Variants in DRC3 observed in about 807,000 individuals in gnomAD.
The protein encoded by DRC3 is dynein regulatory complex subunit 3.
DRC3 carries 45 observed loss-of-function variants against 57.6 expected under a neutral mutation model. That is an observed-to-expected ratio of 0.78 (90% confidence interval 0.62 to 1.00). The LOEUF (loss-of-function observed/expected upper bound fraction) is 1.00. DRC3 is among the 50% of genes least tolerant of loss of function. The pLI is 0.00. For missense variants in DRC3, 655 were observed against 675.2 expected, an observed-to-expected ratio of 0.97 and a Z score of 0.33; for synonymous variants, 257 against 272.3, an observed-to-expected ratio of 0.94 and a Z score of 0.55.
chr17:18,006,779 C>T, intron 11 of DRC3: 1 of 503,088 alleles, frequency 2.0e-6, no homozygotes, highest in Non-Finnish European at 3.6e-6. Context: ...AACCCAGAGG[C>T]CAGGAGCCTC....
In DRC3 at chr17:17,984,819, C is replaced by T. The variant is rs370289076; in HGVS notation, c.277+875C>T. The stretch of plus-strand genomic sequence containing the variant: ...TGGTAATAAGGGCACCCTGGGGCAT[C>T]GTGAGCCTTCCAATTTGCCAAACAC... On this transcript the variant is annotated intron_variant, in intron 4 of 13. Transcript: ENST00000399187. 1.2e-4 allele frequency among the ~76,000 whole-genome samples: 19 copies of T among 152,244 alleles called. No homozygotes were observed. In the East Asian group the frequency reaches 2.1e-3, roughly 17 times the overall value.
intron 4 of DRC3, among the ~76,000 whole-genome samples, chr17:17,987,624 T>G (rs2043022555): frequency 6.6e-6 from 1 of 152,166 alleles, no homozygotes; most frequent in Non-Finnish European, 1.5e-5. Flanking sequence ...GGGCACTGCT[T>G]CAGACCTGCG....
intron 9 of DRC3, among the ~76,000 whole-genome samples, chr17:18,000,420 T>A (rs2043680148): frequency 1.3e-5 from 2 of 152,148 alleles, no homozygotes; most frequent in South Asian, 4.1e-4. Context: ...TTTCCTATAT[T>A]ATGCATCTTG....
At position 17,987,955 on chromosome 17, in the gene DRC3, A is replaced by G. The variant is rs2043039627; in HGVS notation, c.301A>G (p.Thr101Ala). Reference sequence around the variant, plus strand: ...AGATCTGTCTTTCAACAACATTGAGACCATCGAGGGGCTGGACACACTGGT... The same window carrying G: ...AGATCTGTCTTTCAACAACATTGAGGCCATCGAGGGGCTGGACACACTGGT... ...WLDLSFNNIE[T>A]IEGLDTLVNL... Residue 101 changes from threonine to alanine, a missense_variant, in exon 5 of 14, where the codon ACC becomes GCC. Physicochemically the swap from Thr to Ala is moderately conservative, Grantham distance 58. Coordinates refer to ENST00000399187, the MANE Select transcript of DRC3 (RefSeq NM_031294.4). The G allele has an allele frequency of 1.9e-6, 3 of 1,613,822 alleles. No individual in the cohort carries two copies. The highest frequency in any genetic ancestry group is 2.7e-5 in the African/African-American group (2 of 74,918).
chr17:18,004,449 C>G lies in DRC3; in HGVS notation c.1086C>G (p.Phe362Leu), dbSNP rs745612550. 77 of 1,611,078 alleles carry G rather than the reference C, an allele frequency of 4.8e-5. No homozygotes were observed. The highest frequency in any genetic ancestry group is 6.2e-5 in the Non-Finnish European group (73 of 1,178,808). ...LECSADISEL[F>L]DALMTLEMQL... ...GCAGTGCTGACATCAGTGAGTTGTTCGATGCGCTCATGACGCTGGAGATGC... is the reference window on the plus strand; with the variant it reads ...GCAGTGCTGACATCAGTGAGTTGTTGGATGCGCTCATGACGCTGGAGATGC... The change falls in exon 10 of 14, where the codon TTC (phenylalanine) becomes TTG (leucine). Residue 362 changes from phenylalanine to leucine, a missense_variant. By Grantham distance (22) the Phe-to-Leu change is conservative. Transcript: ENST00000399187.
At chr17:17,990,298 G>A (rs946034157) in intron 5 of DRC3, among the ~76,000 whole-genome samples, 2 of 152,218 alleles carry the variant, frequency 1.3e-5, no homozygotes, top group African/African-American at 4.8e-5. Context: ...CCACAGAGGT[G>A]GTGGAGTCTC....
In DRC3 at chr17:18,008,716, A is replaced by G. The variant is rs1434831044; in HGVS notation, c.1326+1569A>G. ...AAGCTGATAACTGCAGCTAATTGCTATTGACCAGACACAGGAAAACACCAC... is the reference window on the plus strand; with the variant it reads ...AAGCTGATAACTGCAGCTAATTGCTGTTGACCAGACACAGGAAAACACCAC... On this transcript the variant is annotated intron_variant, in intron 12 of 13. Coordinates refer to ENST00000399187, the MANE Select transcript of DRC3 (RefSeq NM_031294.4). The surrounding 1 kb of genome is among the most constrained non-coding windows in gnomAD (Gnocchi z 4.3). Among the ~76,000 whole-genome samples the G allele has an allele frequency of 6.6e-6, 1 of 152,176 alleles. No homozygotes were observed. Among genetic ancestry groups the G allele is most frequent in the Non-Finnish European group, 1.5e-5 (1 of 68,016 alleles).
chr17:18,013,706 G>A (rs537158837), intron 12 of DRC3, among the ~76,000 whole-genome samples: 62 of 152,280 alleles, frequency 4.1e-4, no homozygotes, highest in African/African-American at 1.4e-3. Context: ...TAGATAGGGG[G>A]AATAAGTTCT....
Position 18,007,930 on chromosome 17 carries a change from C to T in DRC3, c.1326+783C>T, listed in dbSNP as rs966796823. ...TGCCTCTTTACTGTCCTCTTACAGT[C>T]CGTCCTCCATGTGGCAGCCAGAGGG... On this transcript the variant is annotated intron_variant, in intron 12 of 13. Coordinates refer to ENST00000399187, the MANE Select transcript of DRC3 (RefSeq NM_031294.4). 2.1e-5 allele frequency: 18 copies of T among 876,654 alleles called. No individual in the cohort carries two copies. The African/African-American group carries it at 3.3e-4, about 16-fold the overall frequency. 54.3% of individuals were successfully genotyped at this position (876,654 alleles called of 1,614,324 possible).
At chr17:18,004,579 C>T (rs1033669621) in intron 10 of DRC3, 85 bp downstream of exon 10, 9 of 1,491,494 alleles carry the variant, frequency 6.0e-6, no homozygotes, top group Non-Finnish European at 8.2e-6. Flanking sequence ...CATGGGCACG[C>T]CTCTGCTGGA....
Position 17,977,629 on chromosome 17 carries a change from A to C in DRC3, c.31A>C (p.Arg11=). Residue 11 remains arginine, a synonymous_variant, in exon 3 of 14, where the codon AGG becomes CGG. Transcript: ENST00000399187. The part of the protein sequence containing the change: MNQPCNSMEP[R]VMDDDMLKLA... ...CCAGCCGTGCAACTCGATGGAGCCG[A>C]GGGTGATGGACGATGACATGCTCAA... The C allele has an allele frequency of 3.1e-6, 5 of 1,613,958 alleles. No homozygotes were observed. Among genetic ancestry groups the C allele is most frequent in the Non-Finnish European group, 4.2e-6 (5 of 1,179,860 alleles).
intron 2 of DRC3, among the ~76,000 whole-genome samples, chr17:17,975,213 T>G (rs1294061845): frequency 3.4e-5 from 2 of 58,362 alleles, no homozygotes; most frequent in Admixed American, 4.1e-4. Flanking sequence ...ATAGCACCTT[T>G]TTTTTTTTTT....
At chr17:17,995,988 G>A (rs1323526177) in intron 8 of DRC3, among the ~76,000 whole-genome samples, 3 of 152,164 alleles carry the variant, frequency 2.0e-5, no homozygotes, top group African/African-American at 7.2e-5. Context: ...TTGAGACTGG[G>A]CAATTTACAA....
At chr17:18,001,441 T>C (rs537544513) in intron 9 of DRC3, among the ~76,000 whole-genome samples, 7 of 152,296 alleles carry the variant, frequency 4.6e-5, no homozygotes, top group African/African-American at 1.7e-4. Flanking sequence ...AGGTGGAGGT[T>C]GCAGTGGGCC....
At chr17:17,992,185 G>C (rs1252173815) in intron 5 of DRC3, among the ~76,000 whole-genome samples, 2 of 152,146 alleles carry the variant, frequency 1.3e-5, no homozygotes, top group Non-Finnish European at 2.9e-5. Flanking sequence ...TGAGGCACGA[G>C]AATCACTTGA....
rs145789429 is a variant in DRC3 at position 17,998,569 on chromosome 17, T to G, written c.999+935T>G. ...AGGGGCTTTAGGGAGCCCATCCTTG[T>G]TGTGAACTTAAGGCCCTTCCTTGTT... On this transcript the variant is annotated intron_variant, in intron 9 of 13. Transcript: ENST00000399187. Among the ~76,000 whole-genome samples the G allele has an allele frequency of 2.0e-5, 3 of 152,324 alleles. No individual in the cohort carries two copies. In the East Asian group the frequency reaches 5.8e-4, roughly 29 times the overall value.
chr17:17,980,630 C>G (rs1305026597), intron 3 of DRC3, among the ~76,000 whole-genome samples: 3 of 138,942 alleles, frequency 2.2e-5, no homozygotes, highest in Admixed American at 7.7e-5. Context: ...GAGTCTCACT[C>G]TGTCGCCAGG....
At position 17,987,916 on chromosome 17, in the gene DRC3, C is replaced by T; in HGVS notation, c.278-16C>T. 1 of 1,612,650 alleles carries T rather than the reference C, an allele frequency of 6.2e-7. No individual in the cohort carries two copies. The highest frequency in any genetic ancestry group is 8.5e-7 in the Non-Finnish European group (1 of 1,179,118). ...GACCCAGGCAGCAGACCCTCACAGC[C>T]CTCTCTTCTTCCCAGATCTGTCTTT... On this transcript the variant is annotated splice_polypyrimidine_tract_variant and intron_variant, in intron 4 of 13. Coordinates refer to ENST00000399187, the MANE Select transcript of DRC3 (RefSeq NM_031294.4).
intron 4 of DRC3, among the ~76,000 whole-genome samples, chr17:17,986,967 T>C (rs966213337): frequency 7.9e-5 from 12 of 151,994 alleles, no homozygotes; most frequent in Non-Finnish European, 1.5e-4. Context: ...AATCCCCACT[T>C]TGGGAGGCCG....
Sources: allele counts gnomAD v4.1 joint callset (sites outside exome capture counted in the v4.1 genomes callset), GRCh38; gene constraint gnomAD v4.1.1; non-coding constraint Gnocchi (gnomAD v3.1); transcripts MANE v1.5; gene names NCBI Gene and HGNC (gene_info 2026-07-23, HGNC 2026-07-21).